GPR55: variants seen among roughly 807,000 people sequenced by gnomAD.
The protein encoded by GPR55 is G protein-coupled receptor 55.
A neutral mutation model predicts 7.9 loss-of-function variants in GPR55; 6 were observed. The ratio of observed to expected loss-of-function variants is 0.76; its 90% CI spans 0.41 to 1.49. The LOEUF (loss-of-function observed/expected upper bound fraction) is 1.49, where lower values mean the gene tolerates loss of function less well. Ranked by LOEUF, GPR55 falls within the 40% of genes most tolerant of loss-of-function variation. The pLI is 0.01. For missense variants in GPR55, 376 were observed against 406.0 expected (o/e 0.93, Z 0.63); for synonymous variants, 183 against 166.8 (o/e 1.10, Z -0.75).
At chr2:230,959,640 C>T (rs1317069887) in intron 1 of GPR55, among the ~76,000 whole-genome samples, 1 of 147,900 alleles carries the variant, frequency 6.8e-6, no homozygotes, top group Non-Finnish European at 1.5e-5. Flanking sequence ...ATGTTCCTGC[C>T]CAGCCACATT....
chr2:230,919,219 A>G (rs189825103), intron 1 of GPR55, among the ~76,000 whole-genome samples: 143 of 152,276 alleles, frequency 9.4e-4, no homozygotes, highest in African/African-American at 3.2e-3. Flanking sequence ...TTAATAAACA[A>G]CTTATAAAAT....
chr2:230,943,280 C>G (rs530362852), intron 1 of GPR55, among the ~76,000 whole-genome samples: 123 of 152,264 alleles, frequency 8.1e-4, no homozygotes, highest in African/African-American at 2.8e-3. Context: ...TCCTGGCTGG[C>G]TCCCCGCCCC....
At chr2:230,959,022 G>A (rs1185343354) in intron 1 of GPR55, among the ~76,000 whole-genome samples, 2 of 152,208 alleles carry the variant, frequency 1.3e-5, no homozygotes, top group Admixed American at 1.3e-4. Context: ...AGTGTGCTGT[G>A]TGAGGTCACA....
intron 1 of GPR55, among the ~76,000 whole-genome samples, chr2:230,938,970 C>G (rs1319764656): frequency 6.6e-6 from 1 of 152,208 alleles, no homozygotes; most frequent in African/African-American, 2.4e-5. Flanking sequence ...AAGTCAGCTG[C>G]AGCATGGCTC....
chr2:230,946,706 A>G (rs6735224), intron 1 of GPR55, among the ~76,000 whole-genome samples: 14,818 of 152,246 alleles, frequency 0.097, 1,108 homozygotes, highest in African/African-American at 0.2. Flanking sequence ...GCATGGGACA[A>G]GTTCCCACTG....
chr2:230,945,393 C>A (rs1691297702), intron 1 of GPR55, among the ~76,000 whole-genome samples: 1 of 151,442 alleles, frequency 6.6e-6, no homozygotes, highest in African/African-American at 2.4e-5. Flanking sequence ...CCAGTTTTTC[C>A]AACAAATCAA....
intron 1 of GPR55, among the ~76,000 whole-genome samples, chr2:230,949,899 A>T (rs546984831): frequency 1.3e-5 from 2 of 152,238 alleles, no homozygotes; most frequent in South Asian, 4.1e-4. Flanking sequence ...CAGTGGCACA[A>T]TCTCGGCTCA....
At chr2:230,914,190 C>T (rs910411647) in intron 1 of GPR55, among the ~76,000 whole-genome samples, 10 of 152,176 alleles carry the variant, frequency 6.6e-5, no homozygotes, top group Non-Finnish European at 1.3e-4. Context: ...CGAATAACAA[C>T]GGGAGGAAAG....
rs1470376389 is a variant in GPR55 at position 230,910,810 on chromosome 2, G to C, written c.153C>G (p.Asn51Lys). 1 of 1,614,046 alleles carries C rather than the reference G, an allele frequency of 6.2e-7. No homozygotes were observed. The change falls in exon 2 of 2, where the codon AAC becomes AAG. Residue 51 changes from asparagine to lysine, a missense_variant. Physicochemically the swap from Asn to Lys is moderately conservative, Grantham distance 94. Coordinates refer to ENST00000650999, the MANE Select transcript of GPR55 (RefSeq NM_005683.4). This position sits in a 1 kb window ranked among gnomAD's most constrained non-coding sequence, Gnocchi z 5.4. ...AGGTGGCAGCATAATCGGGCCACCT[G>C]TTCTTAAGGAAGGTGCTGAAGCCAT... is the stretch of plus-strand genomic sequence containing the variant. The part of the protein sequence containing the change: ...AIHGFSTFLK[N>K]RWPDYAATSI...
chr2:230,921,486 A>G (rs1032132047), intron 1 of GPR55, among the ~76,000 whole-genome samples: 1 of 152,196 alleles, frequency 6.6e-6, no homozygotes, highest in Admixed American at 6.5e-5. Flanking sequence ...GGTCCTGACC[A>G]CTTAGCTGCA....
chr2:230,933,769 G>T (rs1691091141), intron 1 of GPR55, among the ~76,000 whole-genome samples: 1 of 152,198 alleles, frequency 6.6e-6, no homozygotes, highest in South Asian at 2.1e-4. Context: ...CAGGGCGGGG[G>T]CTCCCTTGGC....
intron 1 of GPR55, among the ~76,000 whole-genome samples, chr2:230,936,798 T>C (rs1222312187): frequency 6.6e-6 from 1 of 152,112 alleles, no homozygotes; most frequent in Non-Finnish European, 1.5e-5. Context: ...AACACAAAAA[T>C]GAATTATTAG....
In GPR55 at chr2:230,910,264, A is replaced by T. The variant is rs760570684; in HGVS notation, c.699T>A (p.Ala233=). 6.2e-7 allele frequency: 1 copy of T among 1,614,130 alleles called. No individual in the cohort carries two copies. Among genetic ancestry groups the T allele is most frequent in the Non-Finnish European group, 8.5e-7 (1 of 1,180,002 alleles). The change falls in exon 2 of 2, where the codon GCT becomes GCA. Residue 233 remains alanine, a synonymous_variant. Coordinates refer to ENST00000650999, the MANE Select transcript of GPR55 (RefSeq NM_005683.4). The surrounding 1 kb of genome is among the most constrained non-coding windows in gnomAD (Gnocchi z 5.4). Reference sequence around the variant, plus strand: ...CTGGGAGGAAGGAGACCACGAAGACAGCCAGGCTGGCTGCGATGCTGTAGA... The same window carrying T: ...CTGGGAGGAAGGAGACCACGAAGACTGCCAGGCTGGCTGCGATGCTGTAGA... ...ACIYSIAASL[A]VFVVSFLPVH... is the part of the protein sequence containing the mutation.
rs1354481904 is a variant in GPR55 at position 230,944,729 on chromosome 2, C to A, written c.-135+16046G>T. 6.6e-6 allele frequency among the ~76,000 whole-genome samples: 1 copy of A among 152,114 alleles called. No individual in the cohort carries two copies. Among genetic ancestry groups the A allele is most frequent in the Non-Finnish European group, 1.5e-5 (1 of 68,026 alleles). On this transcript the variant is annotated intron_variant, in intron 1 of 1. Coordinates refer to the GPR55 transcript ENST00000392039. This position sits in a 1 kb window ranked among gnomAD's most constrained non-coding sequence, Gnocchi z 4.2. ...GTAAATACAGACACCTACTATGTACCAGAAAAATTAAAAATAAAAATAACA... is the reference window on the plus strand; with the variant it reads ...GTAAATACAGACACCTACTATGTACAAGAAAAATTAAAAATAAAAATAACA...
chr2:230,910,746 G>T lies in GPR55; in HGVS notation c.217C>A (p.Leu73Met). 6.2e-7 allele frequency: 1 copy of T among 1,614,082 alleles called. No homozygotes were observed. The highest frequency in any genetic ancestry group is 8.5e-7 in the Non-Finnish European group (1 of 1,179,920). ...MINLAVFDLLLVLSLPFKMVL... is the reference protein window; with the variant it reads ...MINLAVFDLLMVLSLPFKMVL... The stretch of plus-strand genomic sequence containing the variant: ...ATCTTGAATGGGAGGGAGAGCACCA[G>T]CAGCAGGTCAAAGACTGCCAGGTTG... The change falls in exon 2 of 2, where the codon CTG (leucine) becomes ATG (methionine). Residue 73 changes from leucine (L) to methionine (M), a missense_variant. Coordinates refer to ENST00000650999, the MANE Select transcript of GPR55 (RefSeq NM_005683.4). The surrounding 1 kb of genome is among the most constrained non-coding windows in gnomAD (Gnocchi z 5.4).
chr2:230,954,103 T>C (rs1229888112), intron 1 of GPR55, among the ~76,000 whole-genome samples: 1 of 152,258 alleles, frequency 6.6e-6, no homozygotes, highest in African/African-American at 2.4e-5. Context: ...AACAGAGGGC[T>C]TCTGAGCAAG....
In GPR55 at chr2:230,956,155, C is replaced by CTTTA. The variant is rs201807623; in HGVS notation, c.-135+4616_-135+4619dup. ...TTTATTCCCAAATTTATTTTATTTA[C>CTTTA]TTTATTTATTTATTTATTTATTTAT... is the stretch of plus-strand genomic sequence containing the variant. On this transcript the variant is annotated intron_variant, in intron 1 of 1. Transcript: ENST00000392039. Among the ~76,000 whole-genome samples, 618 of 151,304 alleles carry CTTTA rather than the reference C, an allele frequency of 4.1e-3. 1 individual carries two copies. The highest frequency in any genetic ancestry group is 0.021 in the Middle Eastern group (6 of 288).
At chr2:230,939,958 A>G (rs1455308340) in intron 1 of GPR55, among the ~76,000 whole-genome samples, 1 of 151,856 alleles carries the variant, frequency 6.6e-6, no homozygotes, top group Non-Finnish European at 1.5e-5. Context: ...GGGGACAGCT[A>G]ATCCTCCCAC....
chr2:230,949,613 C>A (rs1267162300), intron 1 of GPR55, among the ~76,000 whole-genome samples: 1 of 151,798 alleles, frequency 6.6e-6, no homozygotes, highest in East Asian at 1.9e-4. Flanking sequence ...TTCTGGGGAT[C>A]CACAAGGTCA....
Sources: gnomAD v4.1 joint callset for allele counts (sites outside exome capture counted in the v4.1 genomes callset) on GRCh38, gnomAD v4.1.1 for gene constraint, Gnocchi (gnomAD v3.1) non-coding constraint, MANE v1.5 for transcripts, NCBI Gene and HGNC (gene_info 2026-07-23, HGNC 2026-07-21) for gene names.